CEP192: variants seen among roughly 807,000 people sequenced by gnomAD.
CEP192 encodes centrosomal protein of 192 kDa.
Under a neutral mutation model 271.8 loss-of-function variants are expected in CEP192, and 151 were observed. The ratio of observed to expected loss-of-function variants is 0.56; its 90% CI spans 0.49 to 0.64. The LOEUF (loss-of-function observed/expected upper bound fraction) is 0.64. Among genes scored for constraint, CEP192 ranks in the 30% least tolerant of loss-of-function variants. The pLI, the probability that CEP192 is intolerant of heterozygous loss-of-function variation, is 0.00. For synonymous variants in CEP192, 995 were observed against 1,076.5 expected, an observed-to-expected ratio of 0.92 and a Z score of 1.48; for missense variants, 2,910 against 3,020.5, an observed-to-expected ratio of 0.96 and a Z score of 0.86.
chr18:12,996,065 GA>G (rs773022191), intron 1 of CEP192, among the ~76,000 whole-genome samples: 1 of 152,272 alleles, frequency 6.6e-6, no homozygotes, highest in Middle Eastern at 3.4e-3. Flanking sequence ...GCTAAGGAGT[GA>G]GGACGTTTCA....
chr18:13,064,888 A>G (rs989434513), intron 21 of CEP192, among the ~76,000 whole-genome samples: 1 of 152,078 alleles, frequency 6.6e-6, no homozygotes, highest in African/African-American at 2.4e-5. Context: ...CGTTTTAACA[A>G]TGTTGATTGT....
chr18:13,120,760 A>G (rs1294478837), intron 44 of CEP192, among the ~76,000 whole-genome samples: 1 of 152,262 alleles, frequency 6.6e-6, no homozygotes, highest in African/African-American at 2.4e-5. Flanking sequence ...ACTACAGGGT[A>G]AATGCATAAT....
At chr18:13,114,744 T>C (rs2040356204) in intron 42 of CEP192, among the ~76,000 whole-genome samples, 1 of 152,230 alleles carries the variant, frequency 6.6e-6, no homozygotes, top group Non-Finnish European at 1.5e-5. Context: ...TACTTTTTAG[T>C]AAAAATACCT....
intron 42 of CEP192, among the ~76,000 whole-genome samples, chr18:13,116,008 C>A (rs968541403): frequency 6.6e-6 from 1 of 152,158 alleles, no homozygotes; most frequent in African/African-American, 2.4e-5. Context: ...TGCCTGGAGG[C>A]CACACCTGCA....
Position 13,012,995 on chromosome 18 carries a change from A to G in CEP192, c.489A>G (p.Leu163=). The change falls in exon 5 of 45, where the codon TTA becomes TTG. Residue 163 remains leucine, a synonymous_variant. Coordinates refer to ENST00000506447, the MANE Select transcript of CEP192 (RefSeq NM_032142.4). ...QAQDSPIDFH[L]QSWMNNKEPK... ...CAGACTCACCTATTGATTTTCATTT[A>G]CAGTCATGGATGAATAATAAGGAAC... The G allele has an allele frequency of 6.6e-7, 1 of 1,514,904 alleles. No individual in the cohort carries two copies. Among genetic ancestry groups the G allele is most frequent in the Non-Finnish European group, 9.0e-7 (1 of 1,116,052 alleles). The allele number at this position is 1,514,904 out of a possible 1,614,324, so 93.8% of individuals were successfully genotyped here.
chr18:13,113,547 G>T, intron 40 of CEP192, 39 bp from the exon 41 acceptor site: 1 of 1,595,820 alleles, frequency 6.3e-7, no homozygotes, highest in Non-Finnish European at 8.6e-7. Context: ...TGTGTTTAAT[G>T]ATCAGTGTCT....
intron 18 of CEP192, 82 bp downstream of exon 18, chr18:13,053,172 C>T: frequency 8.6e-7 from 1 of 1,167,728 alleles, no homozygotes; most frequent in Middle Eastern, 2.0e-4. Context: ...GACTACAGTT[C>T]AAGCCTATAT....
chr18:13,002,076 T>C (rs947098898), intron 3 of CEP192, among the ~76,000 whole-genome samples: 6 of 152,300 alleles, frequency 3.9e-5, no homozygotes, highest in Non-Finnish European at 8.8e-5. Flanking sequence ...TTTTTTTAGA[T>C]TCTAAAAGTA....
intron 6 of CEP192, among the ~76,000 whole-genome samples, chr18:13,016,401 A>C (rs992135940): frequency 6.6e-6 from 1 of 152,216 alleles, no homozygotes; most frequent in Non-Finnish European, 1.5e-5. Flanking sequence ...AAATAAGCCC[A>C]GAAAAGTAGA....
In CEP192 at chr18:13,048,913, A is replaced by C; in HGVS notation, c.2122A>C (p.Ser708Arg). 6.2e-7 allele frequency: 1 copy of C among 1,613,678 alleles called. No homozygotes were observed. The change falls in exon 16 of 45, where the codon AGT (serine) becomes CGT (arginine). Residue 708 changes from serine (S) to arginine (R), a missense_variant. Coordinates refer to ENST00000506447, the MANE Select transcript of CEP192 (RefSeq NM_032142.4). The part of the protein sequence containing the change: ...PQRYKDKLPD[S>R]GDSMLRISTI... ...AAGATACAAAGACAAGCTACCAGAT[A>C]GTGGTGATTCTATGCTTAGGATCAG...
At chr18:13,088,401 T>C (rs1224865913) in intron 32 of CEP192, among the ~76,000 whole-genome samples, 1 of 152,168 alleles carries the variant, frequency 6.6e-6, no homozygotes, top group African/African-American at 2.4e-5. Context: ...TGAGCTATGA[T>C]TGCACTCCAG....
At chr18:13,082,720 T>C (rs2038686340) in intron 30 of CEP192, among the ~76,000 whole-genome samples, 1 of 152,186 alleles carries the variant, frequency 6.6e-6, no homozygotes, top group Admixed American at 6.5e-5. Flanking sequence ...CTAGCCTCGA[T>C]GGTCTTTACA....
At chr18:13,016,365 C>T (rs1388547259) in intron 6 of CEP192, among the ~76,000 whole-genome samples, 1 of 152,148 alleles carries the variant, frequency 6.6e-6, no homozygotes, top group Admixed American at 6.5e-5. Context: ...GGCAAGTTTA[C>T]AGCACCTATA....
intron 9 of CEP192, among the ~76,000 whole-genome samples, chr18:13,027,404 G>T (rs2035364587): frequency 6.6e-6 from 1 of 152,172 alleles, no homozygotes; most frequent in African/African-American, 2.4e-5. Flanking sequence ...CCTATGACTG[G>T]ATCCTCTGGA....
At chr18:13,029,186 G>A (rs1268502929) in intron 9 of CEP192, among the ~76,000 whole-genome samples, 4 of 152,202 alleles carry the variant, frequency 2.6e-5, no homozygotes, top group African/African-American at 4.8e-5. Context: ...GGATTAATTT[G>A]CTGTGTCTGA....
intron 42 of CEP192, among the ~76,000 whole-genome samples, chr18:13,115,867 A>C (rs1419681902): frequency 6.6e-6 from 1 of 151,974 alleles, no homozygotes; most frequent in African/African-American, 2.4e-5. Flanking sequence ...GTGTGAGGGG[A>C]AGGTCAGATG....
chr18:13,110,459 A>G (rs1057374933), intron 40 of CEP192, among the ~76,000 whole-genome samples: 9 of 152,018 alleles, frequency 5.9e-5, no homozygotes, highest in African/African-American at 1.9e-4. Flanking sequence ...AAGGGCACCA[A>G]GACAGTTCAA....
chr18:13,068,532 C>A, intron 24 of CEP192, 110 bp downstream of exon 24: 3 of 987,798 alleles, frequency 3.0e-6, no homozygotes, highest in Non-Finnish European at 3.0e-6. Context: ...AATCTGTCAA[C>A]TATTTTATGT....
intron 40 of CEP192, among the ~76,000 whole-genome samples, chr18:13,109,567 G>A (rs2040115682): frequency 6.6e-6 from 1 of 151,840 alleles, no homozygotes; most frequent in Admixed American, 6.6e-5. Context: ...ACAACAATAA[G>A]CCCATTTTCC....
Sources: allele counts gnomAD v4.1 joint callset (sites outside exome capture counted in the v4.1 genomes callset), GRCh38; gene constraint gnomAD v4.1.1; transcripts MANE v1.5; gene names NCBI Gene and HGNC (gene_info 2026-07-23, HGNC 2026-07-21).